Variants in GDAP2 observed in about 807,000 individuals in gnomAD.
GDAP2 encodes ganglioside-induced differentiation-associated protein 2.
In GDAP2, 51 loss-of-function variants were observed where a neutral mutation model predicts 67.0. That is an observed-to-expected ratio of 0.76 (90% CI 0.61 to 0.96). The LOEUF (loss-of-function observed/expected upper bound fraction) is 0.96. Ranked by LOEUF, GDAP2 falls within the 40% of genes least tolerant of loss-of-function variation. The pLI is 0.00. For missense variants in GDAP2, 547 were observed against 588.3 expected (o/e 0.93, Z 0.73); for synonymous variants, 203 against 207.3 (o/e 0.98, Z 0.18).
chr1:117,878,182 A>T, intron 12 of GDAP2, 30 bp from the exon 13 acceptor site: 1 of 1,235,588 alleles, frequency 8.1e-7, no homozygotes, highest in Non-Finnish European at 1.1e-6. Flanking sequence ...AAATAATTTA[A>T]GCTAGTTGCC....
At chr1:117,901,801 A>G (rs1649480504) in intron 6 of GDAP2, among the ~76,000 whole-genome samples, 1 of 152,236 alleles carries the variant, frequency 6.6e-6, no homozygotes, top group Non-Finnish European at 1.5e-5. Flanking sequence ...CACATCTTGC[A>G]TATGCCAACC....
Position 117,912,085 on chromosome 1 carries a change from G to C in GDAP2, c.471-3C>G. On this transcript the variant is annotated splice_polypyrimidine_tract_variant and splice_region_variant and intron_variant, in intron 4 of 13. Coordinates refer to ENST00000369443, the MANE Select transcript of GDAP2 (RefSeq NM_017686.4). Reference sequence around the variant, plus strand: ...CAACAGAAGACATTGACTGCTCTCTGCAACAAAGGGAAAACACAAAAATTG... The same window carrying C: ...CAACAGAAGACATTGACTGCTCTCTCCAACAAAGGGAAAACACAAAAATTG... 1 of 1,583,982 alleles carries C rather than the reference G, an allele frequency of 6.3e-7. No individual in the cohort carries two copies. The highest frequency in any genetic ancestry group is 8.7e-7 in the Non-Finnish European group (1 of 1,152,914).
intron 6 of GDAP2, among the ~76,000 whole-genome samples, chr1:117,899,507 T>C (rs1649375722): frequency 6.6e-6 from 1 of 152,128 alleles, no homozygotes; most frequent in Admixed American, 6.5e-5. Context: ...TACCTTCACT[T>C]CCTAATGATA....
intron 8 of GDAP2, among the ~76,000 whole-genome samples, chr1:117,894,588 G>T (rs904591852): frequency 1.3e-5 from 2 of 152,090 alleles, no homozygotes; most frequent in African/African-American, 4.8e-5. Flanking sequence ...AGACAAAATG[G>T]AAGAACACAT....
rs116345539 is a variant in GDAP2 at position 117,903,329 on chromosome 1, G to A, written c.636+3177C>T. On this transcript the variant is annotated intron_variant, in intron 6 of 13. Coordinates refer to ENST00000369443, the MANE Select transcript of GDAP2 (RefSeq NM_017686.4). Reference sequence around the variant, plus strand: ...GTAAAATGTTGAATAGAACTGGCAAGAGCAAAAATCTTTGTCTTCTTTCTG... The same window carrying A: ...GTAAAATGTTGAATAGAACTGGCAAAAGCAAAAATCTTTGTCTTCTTTCTG... 7.3e-3 allele frequency among the ~76,000 whole-genome samples: 1,109 copies of A among 152,208 alleles called. 12 individuals carry two copies. The highest frequency in any genetic ancestry group is 0.025 in the African/African-American group (1,032 of 41,546).
At chr1:117,872,662 G>T (rs1254861029) in intron 13 of GDAP2, among the ~76,000 whole-genome samples, 6 of 151,360 alleles carry the variant, frequency 4.0e-5, no homozygotes, top group Admixed American at 2.0e-4. Context: ...GACACAGGGA[G>T]GGGAACACTT....
chr1:117,912,394 TAA>T, intron 4 of GDAP2, 134 bp downstream of exon 4: 1 of 679,514 alleles, frequency 1.5e-6, no homozygotes, highest in Non-Finnish European at 2.5e-6. Flanking sequence ...AGGGTCCTCC[TAA>T]ATCACCTAAG....
chr1:117,912,711 T>C (rs1431014515), intron 3 of GDAP2, 28 bp from the exon 4 acceptor site: 4 of 1,590,392 alleles, frequency 2.5e-6, no homozygotes, highest in Non-Finnish European at 3.4e-6. Flanking sequence ...ACACATAAGT[T>C]TGGATGTGTT....
chr1:117,920,417 G>A lies in GDAP2; in HGVS notation c.-60C>T, dbSNP rs149259537. ...CCTCAGCAATTCAATATTCACTGGA[G>A]ACTTTAGCTTTAAGAGAAAAGAAAG... On this transcript the variant is annotated 5_prime_UTR_variant, in exon 2 of 14. Coordinates refer to ENST00000369443, the MANE Select transcript of GDAP2 (RefSeq NM_017686.4). 7 of 1,024,356 alleles carry A rather than the reference G, an allele frequency of 6.8e-6. No individual in the cohort carries two copies. Among genetic ancestry groups the A allele is most frequent in the Non-Finnish European group, 1.0e-5 (7 of 681,250 alleles). The allele number at this position is 1,024,356 out of a possible 1,614,324, so 63.5% of individuals were successfully genotyped here.
intron 8 of GDAP2, among the ~76,000 whole-genome samples, chr1:117,890,915 TC>T (rs1377195175): frequency 6.6e-6 from 1 of 151,770 alleles, no homozygotes; most frequent in Non-Finnish European, 1.5e-5. Context: ...GCATCCCAAA[TC>T]CAAAAATACA....
At chr1:117,912,251 A>G (rs1649881988) in intron 4 of GDAP2, among the ~76,000 whole-genome samples, 169 bp from the exon 5 acceptor site, 1 of 152,182 alleles carries the variant, frequency 6.6e-6, no homozygotes, top group Non-Finnish European at 1.5e-5. Flanking sequence ...ATTCATATAC[A>G]ATTTAATTGC....
At chr1:117,905,108 C>A (rs1445461482) in intron 6 of GDAP2, among the ~76,000 whole-genome samples, 1 of 152,144 alleles carries the variant, frequency 6.6e-6, no homozygotes, top group Admixed American at 6.6e-5. Context: ...CTTGTTCAGG[C>A]CTGATCATTT....
chr1:117,925,907 ACACGTTTAAGCCCAC>A (rs1650427679), intron 1 of GDAP2, among the ~76,000 whole-genome samples: 1 of 152,164 alleles, frequency 6.6e-6, no homozygotes, highest in Admixed American at 6.5e-5. Context: ...GGTATATTCC[ACACGTTTAAGCCCAC>A]CAAATCACTT....
chr1:117,887,136 C>T (rs561006510), intron 9 of GDAP2, among the ~76,000 whole-genome samples: 2 of 152,010 alleles, frequency 1.3e-5, no homozygotes, highest in South Asian at 2.1e-4. Flanking sequence ...CACCATGGTG[C>T]CCAGTCTAGT....
At position 117,864,860 on chromosome 1, in the gene GDAP2, T is replaced by C. The variant is rs1214979352; in HGVS notation, c.*5709A>G. 1 of 152,130 alleles carries C rather than the reference T, an allele frequency of 6.6e-6. No homozygotes were observed. Among genetic ancestry groups the C allele is most frequent in the Non-Finnish European group, 1.5e-5 (1 of 68,018 alleles). 9.4% of individuals were successfully genotyped at this position (152,130 alleles called of 1,614,324 possible). A position where few individuals can be genotyped will look rare whatever the true frequency, so the allele number is the denominator to read the frequency against. ...ATTATCACCAACCTCACAGGATTTGTAAGAGCATTAGAAGAGACGATGAAC... is the reference window on the plus strand; with the variant it reads ...ATTATCACCAACCTCACAGGATTTGCAAGAGCATTAGAAGAGACGATGAAC... On this transcript the variant is annotated 3_prime_UTR_variant, in exon 14 of 14. Coordinates refer to ENST00000369443, the MANE Select transcript of GDAP2 (RefSeq NM_017686.4).
chr1:117,912,874 G>A (rs1045671468), intron 3 of GDAP2, among the ~76,000 whole-genome samples, 191 bp from the exon 4 acceptor site: 2 of 152,126 alleles, frequency 1.3e-5, no homozygotes, highest in African/African-American at 4.8e-5. Context: ...ATAGGTATAA[G>A]CACAGAGACA....
At chr1:117,891,970 A>C (rs1311390052) in intron 8 of GDAP2, among the ~76,000 whole-genome samples, 1 of 152,160 alleles carries the variant, frequency 6.6e-6, no homozygotes, top group African/African-American at 2.4e-5. Flanking sequence ...TTGAGATCTA[A>C]AGATAGACTT....
intron 13 of GDAP2, among the ~76,000 whole-genome samples, chr1:117,876,614 A>C (rs906643152): frequency 6.6e-6 from 1 of 152,208 alleles, no homozygotes; most frequent in African/African-American, 2.4e-5. Flanking sequence ...AAGTTAGTCT[A>C]CTTAATTTTG....
rs1363513533 is a variant in GDAP2 at position 117,878,197 on chromosome 1, T to C, written c.1303-45A>G. 4 of 1,080,380 alleles carry C rather than the reference T, an allele frequency of 3.7e-6. No individual in the cohort carries two copies. In the African/African-American group the frequency reaches 4.8e-5, roughly 13 times the overall value. 66.9% of individuals were successfully genotyped at this position (1,080,380 alleles called of 1,614,324 possible). A position where few individuals can be genotyped will look rare whatever the true frequency, so the allele number is the denominator to read the frequency against. On this transcript the variant is annotated intron_variant, in intron 12 of 13. Transcript: ENST00000369443. The stretch of plus-strand genomic sequence containing the variant: ...AAATAATTTAAGCTAGTTGCCATAG[T>C]TAGAAACATAAACACAATTTGGAAA...
Sources: allele counts gnomAD v4.1 joint callset (sites outside exome capture counted in the v4.1 genomes callset), GRCh38; gene constraint gnomAD v4.1.1; transcripts MANE v1.5; gene names NCBI Gene and HGNC (gene_info 2026-07-23, HGNC 2026-07-21).